RGS2: variants seen among roughly 807,000 people sequenced by gnomAD.
RGS2 encodes G0 to G1 switch regulatory 8, 24kD.
A neutral mutation model predicts 26.6 loss-of-function variants in RGS2; 20 were observed. That is an observed-to-expected ratio of 0.75 (90% CI 0.53 to 1.09). RGS2 has a LOEUF of 1.09. Among genes scored for constraint, RGS2 ranks in the 50% least tolerant of loss-of-function variants. The pLI, the probability that RGS2 is intolerant of heterozygous loss-of-function variation, is 0.00. For synonymous variants in RGS2, 97 were observed against 79.9 expected (o/e 1.21, Z -1.14); for missense variants, 246 against 245.5 (o/e 1.00, Z -0.01).
chr1:192,811,665 C>A lies in RGS2; in HGVS notation c.*69C>A. The A allele has an allele frequency of 7.1e-7, 1 of 1,414,026 alleles. No homozygotes were observed. Among genetic ancestry groups the A allele is most frequent in the Non-Finnish European group, 1.0e-6 (1 of 997,780 alleles). The allele number at this position is 1,414,026 out of a possible 1,614,324, so 87.6% of individuals were successfully genotyped here. ...TCCTGAGGGGAAGGACTGTGACCTG[C>A]CATAAAGACTGACCTTGAATTCAGC... is the stretch of plus-strand genomic sequence containing the variant. On this transcript the variant is annotated 3_prime_UTR_variant, in exon 5 of 5. Coordinates refer to ENST00000235382, the MANE Select transcript of RGS2 (RefSeq NM_002923.4).
chr1:192,809,581 T>G (rs1475091859), intron 1 of RGS2: 1 of 322,500 alleles, frequency 3.1e-6, no homozygotes, highest in East Asian at 7.8e-5. Context: ...AAATCCATTT[T>G]TGTTTTTTAA....
At chr1:192,809,316 A>T (rs1665548976) in intron 1 of RGS2, 135 bp downstream of exon 1, 1 of 726,628 alleles carries the variant, frequency 1.4e-6, no homozygotes, top group South Asian at 1.5e-5. Context: ...CGAAAAGGTC[A>T]ATTTGTTAAG....
chr1:192,809,290 T>C (rs888801862), intron 1 of RGS2, 109 bp downstream of exon 1: 5 of 816,600 alleles, frequency 6.1e-6, no homozygotes, highest in African/African-American at 3.3e-5. Context: ...CCTGAGCCTA[T>C]GCAGGGAAAA....
intron 4 of RGS2, 92 bp downstream of exon 4, chr1:192,811,239 G>A: frequency 6.8e-7 from 1 of 1,479,218 alleles, no homozygotes; most frequent in Non-Finnish European, 9.4e-7. Context: ...GGCTAGGAGG[G>A]GTAAAAAGTC....
chr1:192,811,669 A>G lies in RGS2; in HGVS notation c.*73A>G, dbSNP rs972623783. 3.4e-5 allele frequency: 47 copies of G among 1,396,820 alleles called. No individual in the cohort carries two copies. Among genetic ancestry groups the G allele is most frequent in the South Asian group, 3.0e-4 (26 of 86,358 alleles). The allele number at this position is 1,396,820 out of a possible 1,614,324, so 86.5% of individuals were successfully genotyped here. Reference sequence around the variant, plus strand: ...GAGGGGAAGGACTGTGACCTGCCATAAAGACTGACCTTGAATTCAGCCTGG... The same window carrying G: ...GAGGGGAAGGACTGTGACCTGCCATGAAGACTGACCTTGAATTCAGCCTGG... On this transcript the variant is annotated 3_prime_UTR_variant, in exon 5 of 5. Coordinates refer to ENST00000235382, the MANE Select transcript of RGS2 (RefSeq NM_002923.4).
rs1665599764 is a variant in RGS2 at position 192,811,981 on chromosome 1, T to C, written c.*385T>C. The stretch of plus-strand genomic sequence containing the variant: ...GTACATCTTTCCCTAAATCGATCCA[T>C]GTTACCACATAGTAGTTTTAGTTTA... On this transcript the variant is annotated 3_prime_UTR_variant, in exon 5 of 5. Coordinates refer to ENST00000235382, the MANE Select transcript of RGS2 (RefSeq NM_002923.4). 1 of 299,846 alleles carries C rather than the reference T, an allele frequency of 3.3e-6. No individual in the cohort carries two copies. Among genetic ancestry groups the C allele is most frequent in the Non-Finnish European group, 6.6e-6 (1 of 152,630 alleles). 18.6% of individuals were successfully genotyped at this position (299,846 alleles called of 1,614,324 possible). A position where few individuals can be genotyped will look rare whatever the true frequency, so the allele number is the denominator to read the frequency against.
chr1:192,810,728 T>C (rs1665577867), intron 3 of RGS2: 1 of 610,218 alleles, frequency 1.6e-6, no homozygotes, highest in South Asian at 2.0e-5. Context: ...AGAGAATTTA[T>C]GGCTCCCCTA....
Position 192,812,082 on chromosome 1 carries a change from T to A in RGS2, c.*486T>A, listed in dbSNP as rs1665601524. 2 of 190,206 alleles carry A rather than the reference T, an allele frequency of 1.1e-5. No homozygotes were observed. Among genetic ancestry groups the A allele is most frequent in the African/African-American group, 4.7e-5 (2 of 42,294 alleles). 11.8% of individuals were successfully genotyped at this position (190,206 alleles called of 1,614,324 possible). The stretch of plus-strand genomic sequence containing the variant: ...TATGACCACAGATCATCAGTACTGT[T>A]GTCTCATGTAATGCTAAAACTGAAA... On this transcript the variant is annotated 3_prime_UTR_variant, in exon 5 of 5. Transcript: ENST00000235382.
rs961407712 is a variant in RGS2, at chr1:192,812,024, A to G, written c.*428A>G. 4 of 267,672 alleles carry G rather than the reference A, an allele frequency of 1.5e-5. No individual in the cohort carries two copies. Among genetic ancestry groups the G allele is most frequent in the Admixed American group, 1.0e-4 (2 of 20,068 alleles). 16.6% of individuals were successfully genotyped at this position (267,672 alleles called of 1,614,324 possible). ...TTAGTTTAGGATTCAGTAACAGTGA[A>G]GTGTTTACTATGTGCAACGGTATTG... is the stretch of plus-strand genomic sequence containing the variant. On this transcript the variant is annotated 3_prime_UTR_variant, in exon 5 of 5. Coordinates refer to ENST00000235382, the MANE Select transcript of RGS2 (RefSeq NM_002923.4).
At chr1:192,810,323 G>A (rs368471160) in intron 2 of RGS2, 47 bp from the exon 3 acceptor site, 2 of 1,606,928 alleles carry the variant, frequency 1.2e-6, no homozygotes, top group South Asian at 1.1e-5. Context: ...GAACTGAAAA[G>A]GGGAACTCTG....
Position 192,811,088 on chromosome 1 carries a change from C to T in RGS2, c.382C>T (p.Leu128=), listed in dbSNP as rs755523667. 1 of 1,614,120 alleles carries T rather than the reference C, an allele frequency of 6.2e-7. No homozygotes were observed. The highest frequency in any genetic ancestry group is 1.7e-5 in the Admixed American group (1 of 60,024). ...CAAAAAAACCAAATCACCCCAAAAG[C>T]TGTCCTCAAAAGCAAGGAAAATATA... is the stretch of plus-strand genomic sequence containing the variant. The part of the protein sequence containing the change: ...DFKKTKSPQK[L]SSKARKIYTD... Residue 128 remains leucine (L), a synonymous_variant, in exon 4 of 5, where the codon CTG becomes TTG. Coordinates refer to ENST00000235382, the MANE Select transcript of RGS2 (RefSeq NM_002923.4).
chr1:192,810,729 G>A (rs1665577906), intron 3 of RGS2: 2 of 609,410 alleles, frequency 3.3e-6, no homozygotes, highest in African/African-American at 3.7e-5. Flanking sequence ...GAGAATTTAT[G>A]GCTCCCCTAT....
chr1:192,811,196 C>G (rs1320297859), intron 4 of RGS2, 49 bp downstream of exon 4: 6 of 1,589,464 alleles, frequency 3.8e-6, no homozygotes, highest in Non-Finnish European at 5.1e-6. Flanking sequence ...ATCTTTAGCA[C>G]AAAAGTGAAA....
At chr1:192,810,040 C>T in intron 1 of RGS2, 126 bp from the exon 2 acceptor site, 1 of 697,386 alleles carries the variant, frequency 1.4e-6, no homozygotes, top group African/African-American at 1.8e-5. Flanking sequence ...TTGAAGAGTT[C>T]TTGCTTTGCC....
Position 192,811,649 on chromosome 1 carries a change from G to T in RGS2, c.*53G>T. The T allele has an allele frequency of 6.5e-7, 1 of 1,529,986 alleles. No individual in the cohort carries two copies. Among genetic ancestry groups the T allele is most frequent in the Non-Finnish European group, 9.1e-7 (1 of 1,103,824 alleles). 94.8% of individuals were successfully genotyped at this position (1,529,986 alleles called of 1,614,324 possible). On this transcript the variant is annotated 3_prime_UTR_variant, in exon 5 of 5. Transcript: ENST00000235382. Reference sequence around the variant, plus strand: ...GACATTTCATTCTTTTTCCTGAGGGGAAGGACTGTGACCTGCCATAAAGAC... The same window carrying T: ...GACATTTCATTCTTTTTCCTGAGGGTAAGGACTGTGACCTGCCATAAAGAC...
At chr1:192,810,736 C>G in intron 3 of RGS2, 1 of 612,096 alleles carries the variant, frequency 1.6e-6, no homozygotes, top group Non-Finnish European at 2.9e-6. Context: ...TATGGCTCCC[C>G]TATAAATATT....
Position 192,810,444 on chromosome 1 carries a change from T to C in RGS2, c.274+13T>C, listed in dbSNP as rs1399069815. The C allele has an allele frequency of 1.2e-6, 2 of 1,612,920 alleles. No individual in the cohort carries two copies. Among genetic ancestry groups the C allele is most frequent in the South Asian group, 2.2e-5 (2 of 91,068 alleles). ...CTAGCCAGCAAATGTAAGTTAACTC[T>C]TGAGCTTGAGCCATTGCTAACATCG... is the stretch of plus-strand genomic sequence containing the variant. On this transcript the variant is annotated intron_variant, in intron 3 of 4. Coordinates refer to ENST00000235382, the MANE Select transcript of RGS2 (RefSeq NM_002923.4).
intron 1 of RGS2, 59 bp downstream of exon 1, chr1:192,809,240 C>A: frequency 8.0e-7 from 1 of 1,251,376 alleles, no homozygotes; most frequent in Non-Finnish European, 1.2e-6. Flanking sequence ...AAGCTGCAAA[C>A]GCGGTACTTT....
chr1:192,809,204 TCCCGCCACCCCCTG>T, intron 1 of RGS2, 23 bp downstream of exon 1: 1 of 1,509,984 alleles, frequency 6.6e-7, no homozygotes, highest in Non-Finnish European at 9.2e-7. Flanking sequence ...TTCTTCCCTC[TCCCGCCACCCCCTG>T]CCCCACACTG....
Sources: gnomAD v4.1 joint callset for allele counts on GRCh38, gnomAD v4.1.1 for gene constraint, MANE v1.5 for transcripts, NCBI Gene and HGNC (gene_info 2026-07-23, HGNC 2026-07-21) for gene names.